Variants in ACO1 observed in about 807,000 individuals in gnomAD.
ACO1 encodes the protein aconitase 1.
Under a neutral mutation model 105.1 loss-of-function variants are expected in ACO1, and 78 were observed. The observed-to-expected ratio is 0.74, with a 90% confidence interval of 0.62 to 0.90. The LOEUF (loss-of-function observed/expected upper bound fraction) is 0.90, where lower values mean the gene tolerates loss of function less well. Ranked by LOEUF, ACO1 falls within the 40% of genes least tolerant of loss-of-function variation. The probability of loss-of-function intolerance (pLI) is 0.00; values close to 1 mark genes in which losing one functional copy is unlikely to be tolerated. For missense variants in ACO1, 965 were observed against 1,111.1 expected (o/e 0.87, Z 1.87); for synonymous variants, 364 against 397.4 (o/e 0.92, Z 1.00).
At chr9:32,422,314 T>G (rs555530985) in intron 8 of ACO1, among the ~76,000 whole-genome samples, 209 of 152,298 alleles carry the variant, frequency 1.4e-3, no homozygotes, top group African/African-American at 4.9e-3. Context: ...AAGAAAGATT[T>G]CTCCTGTTCA....
chr9:32,427,876 A>G (rs4879586), intron 12 of ACO1, among the ~76,000 whole-genome samples: 1 of 152,110 alleles, frequency 6.6e-6, no homozygotes, highest in Non-Finnish European at 1.5e-5. Flanking sequence ...CTTAAAACAA[A>G]CATATTGTAT....
At chr9:32,430,622 A>C in intron 14 of ACO1, 48 bp downstream of exon 14, 1 of 1,554,340 alleles carries the variant, frequency 6.4e-7, no homozygotes, top group Non-Finnish European at 8.7e-7. Context: ...TGAATTCAGA[A>C]ATATTACTAG....
intron 1 of ACO1, among the ~76,000 whole-genome samples, chr9:32,390,703 T>C (rs1367241603): frequency 6.6e-6 from 1 of 152,246 alleles, no homozygotes; most frequent in Admixed American, 6.5e-5. Flanking sequence ...ACATTTTCTT[T>C]CATCTGTTTG....
chr9:32,447,440 T>C (rs1255384131), intron 19 of ACO1, among the ~76,000 whole-genome samples: 2 of 152,236 alleles, frequency 1.3e-5, no homozygotes, highest in Non-Finnish European at 2.9e-5. Flanking sequence ...CTTCTCTAAA[T>C]TGGTTATTCT....
intron 19 of ACO1, among the ~76,000 whole-genome samples, chr9:32,442,627 T>G (rs1181412738): frequency 1.3e-5 from 2 of 152,224 alleles, no homozygotes; most frequent in Non-Finnish European, 2.9e-5. Context: ...AGGTAATCAT[T>G]TACTTTATCT....
intron 1 of ACO1, among the ~76,000 whole-genome samples, chr9:32,403,268 A>T (rs892678336): frequency 1.3e-5 from 2 of 152,210 alleles, no homozygotes; most frequent in East Asian, 3.9e-4. Context: ...AAATAATGAT[A>T]GATTTCATTT....
chr9:32,438,733 C>T (rs1822416945), intron 18 of ACO1, among the ~76,000 whole-genome samples: 1 of 152,106 alleles, frequency 6.6e-6, no homozygotes, highest in African/African-American at 2.4e-5. Flanking sequence ...AGCACATTAC[C>T]TGGCTCAGCT....
At chr9:32,449,578 G>C (rs113083745) in intron 20 of ACO1, among the ~76,000 whole-genome samples, 2 of 152,214 alleles carry the variant, frequency 1.3e-5, no homozygotes, top group African/African-American at 4.8e-5. Flanking sequence ...GCAAAAGTCT[G>C]TGTCTCAGAT....
In ACO1 at chr9:32,430,436, G is replaced by T; in HGVS notation, c.1588G>T (p.Gly530Ter). 1 of 1,611,508 alleles carries T rather than the reference G, an allele frequency of 6.2e-7. No homozygotes were observed. Among genetic ancestry groups the T allele is most frequent in the Non-Finnish European group, 8.5e-7 (1 of 1,179,064 alleles). ...AITQGDLVAV[G>*]VLSGNRNFEG... is the part of the protein sequence containing the mutation. ...TACTCAGGGAGACCTTGTAGCTGTT[G>T]GAGTACTATCTGGAAACAGGAATTT... is the stretch of plus-strand genomic sequence containing the variant. Residue 530 changes from glycine (G) to a stop codon, truncating the protein, a stop_gained, in exon 14 of 21, where the codon GGA (glycine) becomes TGA (stop). Coordinates refer to ENST00000309951, the MANE Select transcript of ACO1 (RefSeq NM_002197.3). LOFTEE classifies it high-confidence loss of function.
chr9:32,391,443 C>A (rs1280453445), intron 1 of ACO1, among the ~76,000 whole-genome samples: 2 of 152,340 alleles, frequency 1.3e-5, no homozygotes, highest in East Asian at 3.9e-4. Flanking sequence ...ACTCTCTGAG[C>A]CAGTTGTTCC....
At chr9:32,438,658 C>G (rs1822413795) in intron 18 of ACO1, among the ~76,000 whole-genome samples, 1 of 151,980 alleles carries the variant, frequency 6.6e-6, no homozygotes, top group African/African-American at 2.4e-5. Context: ...AAAATTCATT[C>G]AAAACAAATG....
Position 32,440,518 on chromosome 9 carries a change from C to T in ACO1, c.2301C>T (p.Ile767=), listed in dbSNP as rs374624250. 2.5e-6 allele frequency: 4 copies of T among 1,613,978 alleles called. No homozygotes were observed. Residue 767 remains isoleucine (I), a synonymous_variant, in exon 19 of 21, where the codon ATC becomes ATT. Coordinates refer to ENST00000309951, the MANE Select transcript of ACO1 (RefSeq NM_002197.3). ...ERYQQAGLPL[I]VLAGKEYGAG... ...ACCAGCAGGCAGGCCTTCCCCTGAT[C>T]GTTCTGGCTGGCAAAGAGTACGGTG...
chr9:32,447,964 C>T (rs1026376833), intron 19 of ACO1, among the ~76,000 whole-genome samples: 4 of 152,204 alleles, frequency 2.6e-5, no homozygotes, highest in Non-Finnish European at 5.9e-5. Context: ...GCGGACCCAC[C>T]AGCTGCCAGC....
In ACO1 at chr9:32,419,195, C is replaced by T. The variant is rs373038131; in HGVS notation, c.798+18C>T. On this transcript the variant is annotated intron_variant, in intron 7 of 20. Coordinates refer to ENST00000309951, the MANE Select transcript of ACO1 (RefSeq NM_002197.3). Reference sequence around the variant, plus strand: ...TTACCAAGGTAACAATGTGCATCCTCTTCTGTGGTCTTGGAAAGCCACAAT... The same window carrying T: ...TTACCAAGGTAACAATGTGCATCCTTTTCTGTGGTCTTGGAAAGCCACAAT... The T allele has an allele frequency of 7.1e-6, 11 of 1,540,070 alleles. No homozygotes were observed. The highest frequency in any genetic ancestry group is 8.8e-6 in the Non-Finnish European group (10 of 1,139,002).
At chr9:32,446,209 TAA>T (rs1341249252) in intron 19 of ACO1, among the ~76,000 whole-genome samples, 1 of 152,326 alleles carries the variant, frequency 6.6e-6, no homozygotes, top group East Asian at 1.9e-4. Context: ...AGTGGGGTGT[TAA>T]AGTCTCCCAC....
At chr9:32,405,996 T>G (rs1821601770) in intron 2 of ACO1, among the ~76,000 whole-genome samples, 1 of 152,218 alleles carries the variant, frequency 6.6e-6, no homozygotes. Flanking sequence ...TTATTCCAAA[T>G]TCCGTCCTTT....
intron 14 of ACO1, among the ~76,000 whole-genome samples, chr9:32,431,253 ACTT>A (rs1160442704): frequency 6.6e-6 from 1 of 152,142 alleles, no homozygotes; most frequent in Admixed American, 6.5e-5. Flanking sequence ...CGTCACTCTG[ACTT>A]CTTGTTTCAG....
At chr9:32,431,224 A>G (rs1446630902) in intron 14 of ACO1, among the ~76,000 whole-genome samples, 3 of 152,222 alleles carry the variant, frequency 2.0e-5, no homozygotes, top group East Asian at 1.9e-4. Context: ...CACACGTTCT[A>G]TGCTGAGATC....
chr9:32,422,088 G>C (rs1234611043), intron 8 of ACO1, among the ~76,000 whole-genome samples: 4 of 152,166 alleles, frequency 2.6e-5, no homozygotes, highest in African/African-American at 9.7e-5. Flanking sequence ...ATAAATAATT[G>C]AGGGAATCAA....
Sources: allele counts gnomAD v4.1 joint callset (sites outside exome capture counted in the v4.1 genomes callset), GRCh38; gene constraint gnomAD v4.1.1; transcripts MANE v1.5; gene names NCBI Gene and HGNC (gene_info 2026-07-23, HGNC 2026-07-21).